Variants in MYT1L observed in about 807,000 individuals in gnomAD.
MYT1L encodes the protein myelin transcription factor 1-like protein.
A neutral mutation model predicts 126.7 loss-of-function variants in MYT1L; 12 were observed. The ratio of observed to expected loss-of-function variants is 0.09; its 90% confidence interval spans 0.06 to 0.15. The LOEUF (loss-of-function observed/expected upper bound fraction) is 0.15, where lower values mean the gene tolerates loss of function less well. MYT1L is among the 10% of genes least tolerant of loss of function. MYT1L has a pLI of 1.00. For missense variants in MYT1L, 979 were observed against 1,585.2 expected (o/e 0.62, Z 6.49); for synonymous variants, 541 against 604.2 (o/e 0.90, Z 1.53).
At position 2,057,986 on chromosome 2, in the gene MYT1L, A is replaced by G. The variant is rs541257564; in HGVS notation, c.-303-3863T>C. ...AGTGGGATAGCTGGGTCATACAGCA[A>G]TTACATGGCTAGCTTTAAAAGAAAA... On this transcript the variant is annotated intron_variant, in intron 3 of 24. Coordinates refer to ENST00000647738, the MANE Select transcript of MYT1L (RefSeq NM_001303052.2). Among the ~76,000 whole-genome samples, 5 of 152,320 alleles carry G rather than the reference A, an allele frequency of 3.3e-5. No homozygotes were observed. In the South Asian group the frequency reaches 1.0e-3, roughly 32 times the overall value.
chr2:1,878,047 G>A (rs1208653802), intron 18 of MYT1L, among the ~76,000 whole-genome samples: 1 of 152,218 alleles, frequency 6.6e-6, no homozygotes, highest in East Asian at 1.9e-4. Flanking sequence ...ACTGAAGGAG[G>A]TGGCCTGTGG....
chr2:2,098,168 T>C (rs1029859813), intron 3 of MYT1L, among the ~76,000 whole-genome samples: 11 of 152,178 alleles, frequency 7.2e-5, no homozygotes, highest in Non-Finnish European at 5.9e-5. Flanking sequence ...TTTGTAGTGA[T>C]GCAAACACAC....
At chr2:1,903,325 T>G in intron 13 of MYT1L, 31 bp from the exon 14 acceptor site, 1 of 1,572,496 alleles carries the variant, frequency 6.4e-7, no homozygotes, top group Non-Finnish European at 8.7e-7. Context: ...AAACAACAGC[T>G]TGCTTTCCTG....
intron 4 of MYT1L, among the ~76,000 whole-genome samples, chr2:2,051,947 A>G (rs1285373287): frequency 3.9e-5 from 6 of 152,148 alleles, no homozygotes. Flanking sequence ...AAAAATAAAT[A>G]TATTGCAAGA....
chr2:1,908,305 G>A (rs1183337142), intron 13 of MYT1L, among the ~76,000 whole-genome samples: 1 of 152,192 alleles, frequency 6.6e-6, no homozygotes, highest in Non-Finnish European at 1.5e-5. Context: ...CAGCTGCCAT[G>A]AGCTTCTCCC....
chr2:2,232,038 T>C (rs978059085), intron 2 of MYT1L, among the ~76,000 whole-genome samples: 6 of 152,342 alleles, frequency 3.9e-5, no homozygotes, highest in African/African-American at 1.4e-4. Context: ...GAAAGTTTCA[T>C]TCCACAATTA....
chr2:1,835,762 C>T (rs886284286), intron 21 of MYT1L, among the ~76,000 whole-genome samples: 21 of 152,298 alleles, frequency 1.4e-4, no homozygotes, highest in African/African-American at 4.8e-4. Flanking sequence ...GTCGCCGAAG[C>T]CAGCAGTTCA....
chr2:2,235,502 G>T (rs1236801170), intron 2 of MYT1L, among the ~76,000 whole-genome samples: 1 of 152,184 alleles, frequency 6.6e-6, no homozygotes, highest in Non-Finnish European at 1.5e-5. Context: ...TAGCTGGCTG[G>T]TGTCTCCCTT....
chr2:1,874,980 C>T (rs144234779), intron 18 of MYT1L, among the ~76,000 whole-genome samples: 1 of 152,342 alleles, frequency 6.6e-6, no homozygotes, highest in Non-Finnish European at 1.5e-5. Context: ...GGTCCTCCCT[C>T]CAGAGTCCTT....
chr2:1,808,877 G>A (rs958104213), intron 22 of MYT1L, among the ~76,000 whole-genome samples, 199 bp downstream of exon 22: 2 of 152,188 alleles, frequency 1.3e-5, no homozygotes, highest in Non-Finnish European at 2.9e-5. Flanking sequence ...CAGTGAAATC[G>A]GTGAAGGTGG....
intron 21 of MYT1L, among the ~76,000 whole-genome samples, chr2:1,814,174 GC>G (rs1209905875): frequency 3.3e-5 from 5 of 152,146 alleles, no homozygotes; most frequent in African/African-American, 9.6e-5. Flanking sequence ...AATTCCCCAG[GC>G]CAGCGATCTT....
intron 3 of MYT1L, among the ~76,000 whole-genome samples, chr2:2,092,048 C>G (rs896367130): frequency 6.6e-6 from 1 of 152,204 alleles, no homozygotes; most frequent in African/African-American, 2.4e-5. Flanking sequence ...CTTATGTTCA[C>G]TGAAGTAGCA....
At chr2:1,919,872 G>A (rs369827203) in intron 10 of MYT1L, among the ~76,000 whole-genome samples, 19 of 152,144 alleles carry the variant, frequency 1.2e-4, no homozygotes, top group Non-Finnish European at 2.2e-4. Context: ...GGGACTACAG[G>A]CGCCCACCAC....
intron 4 of MYT1L, among the ~76,000 whole-genome samples, chr2:2,023,579 A>C (rs2065241204): frequency 6.6e-6 from 1 of 151,268 alleles, no homozygotes. Flanking sequence ...ACAGAGGCAG[A>C]ACTCGGAGCA....
At chr2:1,898,716 T>C (rs1281620661) in intron 14 of MYT1L, among the ~76,000 whole-genome samples, 2 of 151,698 alleles carry the variant, frequency 1.3e-5, no homozygotes, top group Non-Finnish European at 2.9e-5. Flanking sequence ...TGGAGAGTGG[T>C]AGGAAGGGCC....
At chr2:2,022,712 A>G (rs933808641) in intron 4 of MYT1L, among the ~76,000 whole-genome samples, 4 of 152,128 alleles carry the variant, frequency 2.6e-5, no homozygotes, top group South Asian at 2.1e-4. Context: ...TGAAAAAAAA[A>G]AAAAGAAAAG....
chr2:2,321,801 C>T (rs1437115916), intron 1 of MYT1L, among the ~76,000 whole-genome samples: 2 of 152,258 alleles, frequency 1.3e-5, no homozygotes, highest in East Asian at 3.9e-4. Flanking sequence ...CAAGCAAGTG[C>T]CCGATATCCT....
intron 8 of MYT1L, among the ~76,000 whole-genome samples, chr2:1,954,969 G>T (rs1354993244): frequency 1.3e-5 from 2 of 151,266 alleles, no homozygotes; most frequent in Admixed American, 1.3e-4. Context: ...GAGAGAGAAA[G>T]AAAGAAAAGA....
At chr2:1,967,719 G>C (rs1185525331) in intron 8 of MYT1L, among the ~76,000 whole-genome samples, 1 of 152,204 alleles carries the variant, frequency 6.6e-6, no homozygotes, top group African/African-American at 2.4e-5. Flanking sequence ...GGGTGGAAGA[G>C]GATGGGGGGA....
Sources: allele counts gnomAD v4.1 joint callset (sites outside exome capture counted in the v4.1 genomes callset), GRCh38; gene constraint gnomAD v4.1.1; transcripts MANE v1.5; gene names NCBI Gene and HGNC (gene_info 2026-07-23, HGNC 2026-07-21).